Variants in ZNF790 observed in about 807,000 individuals in gnomAD.
The protein encoded by ZNF790 is zinc finger protein 790.
Under a neutral mutation model 12.1 loss-of-function variants are expected in ZNF790, and 8 were observed. The ratio of observed to expected loss-of-function variants is 0.66; its 90% confidence interval spans 0.39 to 1.19. The LOEUF (loss-of-function observed/expected upper bound fraction) is 1.19. Among genes scored for constraint, ZNF790 ranks in the 50% most tolerant of loss-of-function variants. The probability of loss-of-function intolerance (pLI) is 0.01; values close to 1 mark genes in which losing one functional copy is unlikely to be tolerated. For missense variants in ZNF790, 707 were observed against 752.2 expected, an observed-to-expected ratio of 0.94 and a Z score of 0.70; for synonymous variants, 252 against 244.3, an observed-to-expected ratio of 1.03 and a Z score of -0.29.
chr19:36,848,888 G>C (rs112758265), intron 1 of ZNF790, among the ~76,000 whole-genome samples: 2,302 of 152,198 alleles, frequency 0.015, 69 homozygotes, highest in African/African-American at 0.053. Flanking sequence ...CTGTCTGCCG[G>C]GTTCAAGCCA....
rs1285776174 is a variant in ZNF790 at position 36,818,984 on chromosome 19, C to G, written c.1360G>C (p.Glu454Gln). The G allele has an allele frequency of 1.9e-6, 3 of 1,613,694 alleles. No homozygotes were observed. The highest frequency in any genetic ancestry group is 8.5e-7 in the Non-Finnish European group (1 of 1,179,928). ...HNERKSYECK[E>Q]CGKTFLHGSE... The stretch of plus-strand genomic sequence containing the variant: ...CCATGAAGAAAGGTCTTTCCACATT[C>G]CTTACATTCATAGGATTTCCTCTCA... Residue 454 changes from glutamate (E) to glutamine (Q), a missense_variant, in exon 5 of 5, where the codon GAA (glutamate) becomes CAA (glutamine). Physicochemically the swap from Glu to Gln is conservative, Grantham distance 29 (BLOSUM62 2). Transcript: ENST00000356725.
chr19:36,818,278 C>G lies in ZNF790; in HGVS notation c.*155G>C. The G allele has an allele frequency of 1.9e-6, 1 of 524,614 alleles. No homozygotes were observed. The highest frequency in any genetic ancestry group is 3.1e-5 in the East Asian group (1 of 32,082). The allele number at this position is 524,614 out of a possible 1,614,324, so 32.5% of individuals were successfully genotyped here. On this transcript the variant is annotated 3_prime_UTR_variant, in exon 5 of 5. Coordinates refer to ENST00000356725, the MANE Select transcript of ZNF790 (RefSeq NM_206894.4). The stretch of plus-strand genomic sequence containing the variant: ...TCCTATATTGATTGCATGATGAATT[C>G]TCTGCTGCTGCTGCTGCTGCTGCTG...
rs530175371 is a variant in ZNF790, at chr19:36,831,333, A to G, written c.-73-5641T>C. ...ACCACAAGCAAAAATATACGATCTC[A>G]GGAGAGAGAAGAAAGTAATAGATAG... On this transcript the variant is annotated intron_variant, in intron 1 of 4. Coordinates refer to ENST00000356725, the MANE Select transcript of ZNF790 (RefSeq NM_206894.4). Among the ~76,000 whole-genome samples the G allele has an allele frequency of 2.1e-5, 3 of 144,872 alleles. No individual in the cohort carries two copies. The Middle Eastern group carries it at 0.01, about 503-fold the overall frequency.
At chr19:36,823,839 A>G in intron 2 of ZNF790, 49 bp from the exon 3 acceptor site, 1 of 1,545,980 alleles carries the variant, frequency 6.5e-7, no homozygotes, top group East Asian at 2.3e-5. Context: ...TTTTAAAAAT[A>G]ATTATAATCC....
chr19:36,830,106 G>T (rs1206508312), intron 1 of ZNF790, among the ~76,000 whole-genome samples: 3 of 152,052 alleles, frequency 2.0e-5, no homozygotes, highest in African/African-American at 7.3e-5. Flanking sequence ...GGGGATCCTT[G>T]TCTGGTCCCT....
intron 1 of ZNF790, among the ~76,000 whole-genome samples, chr19:36,828,563 A>G (rs2071881055): frequency 6.6e-6 from 1 of 152,184 alleles, no homozygotes; most frequent in African/African-American, 2.4e-5. Flanking sequence ...TGTTGCCTCA[A>G]ACTGCTAGGC....
chr19:36,832,318 G>A (rs1043157746), intron 1 of ZNF790, among the ~76,000 whole-genome samples: 1 of 152,198 alleles, frequency 6.6e-6, no homozygotes, highest in Non-Finnish European at 1.5e-5. Context: ...CCAGTATGTG[G>A]TATTCACAAC....
rs552794482 is a variant in ZNF790, at chr19:36,818,981, A to G, written c.1363T>C (p.Cys455Arg). The change falls in exon 5 of 5, where the codon TGT (cysteine) becomes CGT (arginine). Residue 455 changes from cysteine to arginine, a missense_variant. By Grantham distance (180) the Cys-to-Arg change is radical. Coordinates refer to ENST00000356725, the MANE Select transcript of ZNF790 (RefSeq NM_206894.4). ...GAGCCATGAAGAAAGGTCTTTCCACATTCCTTACATTCATAGGATTTCCTC... is the reference window on the plus strand; with the variant it reads ...GAGCCATGAAGAAAGGTCTTTCCACGTTCCTTACATTCATAGGATTTCCTC... ...NERKSYECKE[C>R]GKTFLHGSEF... 3 of 1,613,624 alleles carry G rather than the reference A, an allele frequency of 1.9e-6. No individual in the cohort carries two copies. The highest frequency in any genetic ancestry group is 2.5e-6 in the Non-Finnish European group (3 of 1,179,842).
At chr19:36,822,776 G>C (rs972349917) in intron 4 of ZNF790, among the ~76,000 whole-genome samples, 5 of 152,136 alleles carry the variant, frequency 3.3e-5, no homozygotes, top group African/African-American at 4.8e-5. Flanking sequence ...CTGACCTCAG[G>C]TGGACTGCCT....
chr19:36,821,728 C>T (rs973431487), intron 4 of ZNF790, among the ~76,000 whole-genome samples: 2 of 152,038 alleles, frequency 1.3e-5, no homozygotes, highest in East Asian at 1.9e-4. Context: ...GGATTACAGG[C>T]GCCCACCCCC....
chr19:36,830,122 TAGAG>T (rs1225134051), intron 1 of ZNF790, among the ~76,000 whole-genome samples: 2 of 152,194 alleles, frequency 1.3e-5, no homozygotes, highest in Non-Finnish European at 2.9e-5. Flanking sequence ...TCCCTGATCT[TAGAG>T]GGAAGACATC....
Position 36,845,607 on chromosome 19 carries a change from T to C in ZNF790, c.-74+4395A>G, listed in dbSNP as rs1209459744. Among the ~76,000 whole-genome samples, 8 of 152,164 alleles carry C rather than the reference T, an allele frequency of 5.3e-5. No homozygotes were observed. In the East Asian group the frequency reaches 1.2e-3, roughly 22 times the overall value. ...AGTGTCCCAAGGTCCTCTAGCAGTATTGGGGAAATGGTAAAGTCAATAATT... is the reference window on the plus strand; with the variant it reads ...AGTGTCCCAAGGTCCTCTAGCAGTACTGGGGAAATGGTAAAGTCAATAATT... On this transcript the variant is annotated intron_variant, in intron 1 of 4. Coordinates refer to the ZNF790 transcript ENST00000528994.
At chr19:36,836,995 C>A (rs886979199) in intron 1 of ZNF790, among the ~76,000 whole-genome samples, 1 of 147,316 alleles carries the variant, frequency 6.8e-6, no homozygotes, top group Non-Finnish European at 1.5e-5. Context: ...TTCTTTGGGA[C>A]GGGTAAGTTT....
intron 3 of ZNF790, 119 bp downstream of exon 3, chr19:36,823,548 C>T: frequency 7.2e-7 from 1 of 1,392,300 alleles, no homozygotes; most frequent in Non-Finnish European, 9.9e-7. Flanking sequence ...GCCAGATTTA[C>T]AAAGCGCAAA....
At chr19:36,841,861 G>C (rs892892604), upstream of ZNF790, among the ~76,000 whole-genome samples, 12 of 113,718 alleles carry the variant, frequency 1.1e-4, no homozygotes, top group African/African-American at 3.3e-4. Flanking sequence ...GGTGGGGGGT[G>C]GGGGGAGGGG....
chr19:36,843,408 G>A (rs2072147773), intron 1 of ZNF790, among the ~76,000 whole-genome samples: 1 of 152,208 alleles, frequency 6.6e-6, no homozygotes, highest in South Asian at 2.1e-4. Context: ...TTCAGGCCCT[G>A]TCAGGGGAAG....
chr19:36,826,726 A>T (rs934041462), intron 1 of ZNF790, among the ~76,000 whole-genome samples: 6 of 150,812 alleles, frequency 4.0e-5, no homozygotes, highest in Non-Finnish European at 8.8e-5. Flanking sequence ...ACCTACTATC[A>T]AGGAATTCAC....
chr19:36,833,648 A>C (rs1449024931), intron 1 of ZNF790, among the ~76,000 whole-genome samples: 1 of 152,218 alleles, frequency 6.6e-6, no homozygotes, highest in Admixed American at 6.5e-5. Context: ...GGTGGCTATA[A>C]TATCAAGACA....
intron 1 of ZNF790, among the ~76,000 whole-genome samples, chr19:36,847,455 C>T (rs1008553386): frequency 6.6e-6 from 1 of 151,960 alleles, no homozygotes; most frequent in Non-Finnish European, 1.5e-5. Context: ...ACTTAATCGC[C>T]AATGTGTTAG....
Sources: gnomAD v4.1 joint callset for allele counts (sites outside exome capture counted in the v4.1 genomes callset) on GRCh38, gnomAD v4.1.1 for gene constraint, MANE v1.5 for transcripts, NCBI Gene and HGNC (gene_info 2026-07-23, HGNC 2026-07-21) for gene names.